The following PSD3 variants were observed in gnomAD, a reference collection of about 807,000 sequenced individuals.
PSD3 encodes pleckstrin and Sec7 domain containing 3, also known as PH and SEC7 domain-containing protein 3.
Under a neutral mutation model 105.5 loss-of-function variants are expected in PSD3, and 49 were observed. The ratio of observed to expected loss-of-function variants is 0.46; its 90% CI spans 0.37 to 0.59. The LOEUF is 0.59. Ranked by LOEUF, PSD3 falls within the 20% of genes least tolerant of loss-of-function variation. The pLI, the probability that PSD3 is intolerant of heterozygous loss-of-function variation, is 0.00. For synonymous variants in PSD3, 557 were observed against 457.8 expected (o/e 1.22, Z -2.77); for missense variants, 1,561 against 1,263.8 (o/e 1.24, Z -3.57).
At chr8:18,580,718 G>A (rs1238093241) in intron 12 of PSD3, among the ~76,000 whole-genome samples, 3 of 152,054 alleles carry the variant, frequency 2.0e-5, no homozygotes, top group Non-Finnish European at 4.4e-5. Context: ...TTTAGATAAC[G>A]AACTGATTTT....
At chr8:18,760,053 G>C (rs1396222830) in intron 9 of PSD3, among the ~76,000 whole-genome samples, 1 of 151,184 alleles carries the variant, frequency 6.6e-6, no homozygotes, top group Non-Finnish European at 1.5e-5. Flanking sequence ...AAAATTCAGG[G>C]AACAGAAATG....
At chr8:18,569,102 A>G (rs199881912) in intron 14 of PSD3, among the ~76,000 whole-genome samples, 43,923 of 124,354 alleles carry the variant, frequency 0.35, 7,792 homozygotes, top group East Asian at 0.5. Context: ...AATCCAGTCT[A>G]TCGTTGTTGG....
intron 9 of PSD3, among the ~76,000 whole-genome samples, chr8:18,679,825 A>T (rs1444051818): frequency 6.6e-6 from 1 of 152,176 alleles, no homozygotes; most frequent in Non-Finnish European, 1.5e-5. Context: ...TGTCACAGAA[A>T]TTGATTTCTT....
chr8:18,987,383 G>A (rs1278608568), intron 1 of PSD3, among the ~76,000 whole-genome samples: 6 of 151,904 alleles, frequency 3.9e-5, no homozygotes, highest in African/African-American at 1.4e-4. Flanking sequence ...TGCCTTCCAG[G>A]CTCACGCCAT....
chr8:19,084,117 A>C (rs1829731391), intron 1 of PSD3: 1 of 375,140 alleles, frequency 2.7e-6, no homozygotes, highest in African/African-American at 2.1e-5. Flanking sequence ...CAGAGGAGAG[A>C]ACCAACGCCA....
chr8:18,534,242 T>C lies in PSD3; in HGVS notation c.*1501A>G, dbSNP rs1018561081. 2.6e-5 allele frequency: 4 copies of C among 152,410 alleles called. No homozygotes were observed. The highest frequency in any genetic ancestry group is 7.3e-5 in the African/African-American group (3 of 41,368). The allele number at this position is 152,410 out of a possible 1,614,324, so 9.4% of individuals were successfully genotyped here. ...CTTTCTAAGGGAGGAAAAAGAAAAA[T>C]CAAAGTGATACTATTAGTTCTGAAG... On this transcript the variant is annotated 3_prime_UTR_variant, in exon 16 of 16. Coordinates refer to ENST00000327040, the MANE Select transcript of PSD3 (RefSeq NM_015310.4).
At chr8:18,615,771 G>C (rs746098739) in intron 11 of PSD3, among the ~76,000 whole-genome samples, 1 of 152,200 alleles carries the variant, frequency 6.6e-6, no homozygotes, top group Non-Finnish European at 1.5e-5. Context: ...AAGTGGGCTT[G>C]TCAAGTGACA....
chr8:18,538,128 G>T (rs1487974874), intron 15 of PSD3, among the ~76,000 whole-genome samples: 1 of 152,168 alleles, frequency 6.6e-6, no homozygotes, highest in Non-Finnish European at 1.5e-5. Flanking sequence ...ATGATGAGCT[G>T]GATCCAACCC....
At chr8:18,598,711 T>C (rs1478534956) in intron 12 of PSD3, among the ~76,000 whole-genome samples, 1 of 152,080 alleles carries the variant, frequency 6.6e-6, no homozygotes, top group Non-Finnish European at 1.5e-5. Context: ...AGTTGCAGGA[T>C]ACAAAATCAA....
intron 9 of PSD3, among the ~76,000 whole-genome samples, chr8:18,759,932 C>G (rs11988686): frequency 0.16 from 22,909 of 140,706 alleles, 3,404 homozygotes; most frequent in African/African-American, 0.38. Flanking sequence ...GAGAAATGGA[C>G]AATTATCAAC....
intron 15 of PSD3, among the ~76,000 whole-genome samples, chr8:18,551,377 G>C (rs1269562468): frequency 6.6e-6 from 1 of 152,160 alleles, no homozygotes; most frequent in Admixed American, 6.5e-5. Flanking sequence ...GATATGAATG[G>C]TTATGGGCTT....
intron 4 of PSD3, among the ~76,000 whole-genome samples, chr8:18,833,421 T>C (rs969404817): frequency 2.0e-5 from 3 of 152,244 alleles, no homozygotes; most frequent in African/African-American, 7.2e-5. Context: ...GCCAGTACCA[T>C]TTATTAGAAA....
intron 15 of PSD3, among the ~76,000 whole-genome samples, chr8:18,550,096 T>C (rs527236970): frequency 1.3e-5 from 2 of 152,336 alleles, no homozygotes; most frequent in African/African-American, 4.8e-5. Flanking sequence ...CTTTACCCAA[T>C]AGAGTGACCC....
intron 8 of PSD3, among the ~76,000 whole-genome samples, chr8:18,775,909 C>A (rs1457459415): frequency 6.6e-6 from 1 of 152,164 alleles, no homozygotes; most frequent in South Asian, 2.1e-4. Flanking sequence ...CGACCCCCTG[C>A]AAAATCTTTA....
intron 2 of PSD3, 42 bp from the exon 3 acceptor site, chr8:18,872,775 G>C (rs942782186): frequency 6.7e-7 from 1 of 1,490,254 alleles, no homozygotes; most frequent in Admixed American, 2.3e-5. Flanking sequence ...GTTGTAGAAA[G>C]ACAGGGCCCA....
chr8:19,078,818 C>A (rs1016652815), intron 1 of PSD3, among the ~76,000 whole-genome samples: 1 of 151,550 alleles, frequency 6.6e-6, no homozygotes, highest in African/African-American at 2.4e-5. Context: ...TCAAATTCCT[C>A]CCTGTGGAGT....
chr8:19,033,723 C>T (rs766847950), intron 1 of PSD3, among the ~76,000 whole-genome samples: 4 of 151,974 alleles, frequency 2.6e-5, no homozygotes, highest in African/African-American at 4.8e-5. Flanking sequence ...GATAGCAGCA[C>T]TCCCAGGAAT....
At chr8:18,833,389 C>T (rs1192083529) in intron 4 of PSD3, among the ~76,000 whole-genome samples, 1 of 152,158 alleles carries the variant, frequency 6.6e-6, no homozygotes, top group Non-Finnish European at 1.5e-5. Context: ...TGCTTGAGGT[C>T]CATCTTGCAC....
In PSD3 at chr8:18,872,414, T is replaced by C; in HGVS notation, c.450A>G (p.Leu150=). 1 of 1,614,176 alleles carries C rather than the reference T, an allele frequency of 6.2e-7. No homozygotes were observed. The highest frequency in any genetic ancestry group is 8.5e-7 in the Non-Finnish European group (1 of 1,180,030). Residue 150 remains leucine, a synonymous_variant, in exon 3 of 16, where the codon TTA becomes TTG. Coordinates refer to ENST00000327040, the MANE Select transcript of PSD3 (RefSeq NM_015310.4). ...CTTGGTCCAGTACCTTTGTAGCCTG[T>C]AATGTTCCGGAAATGATTCTGGCTT... The part of the protein sequence containing the change: ...ATEARIISGT[L]QATKVLDQDA...
Sources: gnomAD v4.1 joint callset for allele counts (sites outside exome capture counted in the v4.1 genomes callset) on GRCh38, gnomAD v4.1.1 for gene constraint, MANE v1.5 for transcripts, NCBI Gene and HGNC (gene_info 2026-07-23, HGNC 2026-07-21) for gene names.